The following RIF1 variants were observed in gnomAD, a reference collection of about 807,000 sequenced individuals.
The protein encoded by RIF1 is telomere-associated protein RIF1.
In RIF1, 45 loss-of-function variants were observed where a neutral mutation model predicts 247.1. The ratio of observed to expected loss-of-function variants is 0.18; its 90% CI spans 0.14 to 0.23. The LOEUF is 0.23. Among genes scored for constraint, RIF1 ranks in the 10% least tolerant of loss-of-function variants. The probability of loss-of-function intolerance (pLI) is 1.00; values close to 1 mark genes in which losing one functional copy is unlikely to be tolerated. For missense variants in RIF1, 2,967 were observed against 2,862.5 expected, an observed-to-expected ratio of 1.04 and a Z score of -0.83; for synonymous variants, 1,087 against 978.8, an observed-to-expected ratio of 1.11 and a Z score of -2.06.
At position 151,437,367 on chromosome 2, in the gene RIF1, T is replaced by C. The variant is rs1035597328; in HGVS notation, c.1483+16T>C. 6.4e-7 allele frequency: 1 copy of C among 1,568,534 alleles called. No individual in the cohort carries two copies. Among genetic ancestry groups the C allele is most frequent in the African/African-American group, 1.4e-5 (1 of 74,044 alleles). On this transcript the variant is annotated intron_variant, in intron 13 of 35. Coordinates refer to ENST00000444746, the MANE Select transcript of RIF1 (RefSeq NM_018151.5). Reference sequence around the variant, plus strand: ...GATGCCCCCGGTAAGAGAATTTGATTTATTATTTGCTCAAATGTGTGTTTA... The same window carrying C: ...GATGCCCCCGGTAAGAGAATTTGATCTATTATTTGCTCAAATGTGTGTTTA...
intron 25 of RIF1, among the ~76,000 whole-genome samples, chr2:151,459,123 A>G (rs1695709031): frequency 6.6e-6 from 1 of 152,084 alleles, no homozygotes; most frequent in Non-Finnish European, 1.5e-5. Context: ...TTTGTTTTGA[A>G]CTCGGGTACC....
rs776190102 is a variant in RIF1 at position 151,469,702 on chromosome 2, T to G, written c.6942-9T>G. ...TATAATTATAATTTCCTGTTTCTGT[T>G]TTGTTTAGGGCAAGAGGCCTGGGAC... On this transcript the variant is annotated splice_polypyrimidine_tract_variant and intron_variant, in intron 33 of 35. Transcript: ENST00000444746. 1.1e-4 allele frequency: 167 copies of G among 1,518,962 alleles called. No homozygotes were observed. Among genetic ancestry groups the G allele is most frequent in the South Asian group, 1.3e-4 (10 of 74,088 alleles). 94.1% of individuals were successfully genotyped at this position (1,518,962 alleles called of 1,614,324 possible).
At chr2:151,484,533 T>C (rs1443057051), downstream of RIF1, among the ~76,000 whole-genome samples, 1 of 152,062 alleles carries the variant, frequency 6.6e-6, no homozygotes, top group Non-Finnish European at 1.5e-5. Flanking sequence ...GAGGGAGAGG[T>C]TGCAGTGAGT....
rs1202510810 is a variant in RIF1, at chr2:151,501,426, C to T, written c.*710-1608C>T. 1.4e-5 allele frequency: 21 copies of T among 1,549,024 alleles called. No homozygotes were observed. The Admixed American group carries it at 2.9e-4, about 22-fold the overall frequency. On this transcript the variant is annotated intron_variant and NMD_transcript_variant, in intron 11 of 13. Transcript: ENST00000454583. ...TTTTCTTGATTGAGTTTGACTCGCTCCATCTCAGGAGTGACAGGTAGGGGA... is the reference window on the plus strand; with the variant it reads ...TTTTCTTGATTGAGTTTGACTCGCTTCATCTCAGGAGTGACAGGTAGGGGA...
chr2:151,433,804 C>A (rs1391163084), intron 10 of RIF1, among the ~76,000 whole-genome samples: 1 of 152,028 alleles, frequency 6.6e-6, no homozygotes, highest in Non-Finnish European at 1.5e-5. Context: ...ACTCTACAAG[C>A]ATTATGATTT....
intron 13 of RIF1, chr2:151,507,061 TTTTC>T (rs770712780): frequency 2.2e-5 from 25 of 1,148,030 alleles, no homozygotes; most frequent in Non-Finnish European, 3.0e-5. Flanking sequence ...CATTGCTTTG[TTTTC>T]TTTATTTGTC....
chr2:151,416,714 T>G (rs189330104), intron 5 of RIF1, 26 bp downstream of exon 5: 71 of 1,609,318 alleles, frequency 4.4e-5, no homozygotes, highest in Non-Finnish European at 5.6e-5. Context: ...GGGTATGCCA[T>G]CTTAACTATA....
At chr2:151,460,186 AAAATTGGATGAAAGAACTATAAAAGACT>A in intron 26 of RIF1, 67 bp downstream of exon 26, 9 of 1,218,956 alleles carry the variant, frequency 7.4e-6, no homozygotes, top group Non-Finnish European at 9.0e-6. Flanking sequence ...TACAACTTTA[AAAATTGGATGAAAGAACTATAAAAGACT>A]AAATAAAGGT....
chr2:151,416,509 C>CT, intron 4 of RIF1, 52 bp from the exon 5 acceptor site: 2 of 1,470,506 alleles, frequency 1.4e-6, no homozygotes, highest in Middle Eastern at 2.3e-4. Flanking sequence ...ATATTTGAGA[C>CT]TTTAAAGAGT....
downstream of RIF1, among the ~76,000 whole-genome samples, chr2:151,509,734 TCTC>T (rs2072545272): frequency 6.6e-6 from 1 of 152,136 alleles, no homozygotes; most frequent in East Asian, 1.9e-4. Flanking sequence ...TTCAAGCAAT[TCTC>T]CTGCCTCAGG....
At chr2:151,510,499 A>T (rs2073312046), downstream of RIF1, among the ~76,000 whole-genome samples, 1 of 152,242 alleles carries the variant, frequency 6.6e-6, no homozygotes, top group South Asian at 2.1e-4. Context: ...GTCCCCACTT[A>T]TCTGAGGTTT....
At chr2:151,446,308 T>A in intron 19 of RIF1, 118 bp from the exon 20 acceptor site, 2 of 993,174 alleles carry the variant, frequency 2.0e-6, no homozygotes, top group Non-Finnish European at 3.0e-6. Flanking sequence ...CGTTAGTGTC[T>A]TTTTTGACAC....
intron 20 of RIF1, among the ~76,000 whole-genome samples, chr2:151,448,873 C>T (rs141328712): frequency 5.9e-4 from 90 of 152,282 alleles, no homozygotes; most frequent in African/African-American, 1.9e-3. Flanking sequence ...TCAGTTATCA[C>T]CTTTAAAAAA....
rs539166926 is a variant in RIF1 at position 151,500,839 on chromosome 2, T to C, written c.*709+1299T>C. ...GTCTCGACCTCCTGGGCTCAAGTGA[T>C]CTGCCTGCCTCGACCTCCCAAAGTG... On this transcript the variant is annotated intron_variant and NMD_transcript_variant, in intron 11 of 13. Coordinates refer to the RIF1 transcript ENST00000454583. 5.1e-4 allele frequency among the ~76,000 whole-genome samples: 78 copies of C among 152,250 alleles called. 1 individual carries two copies. In the South Asian group the frequency reaches 0.014, roughly 28 times the overall value.
the RIF1 span, among the ~76,000 whole-genome samples, chr2:151,531,429 G>A: frequency 7.0e-6 from 1 of 143,360 alleles, no homozygotes; most frequent in Non-Finnish European, 1.5e-5. Flanking sequence ...CAATTGTCAC[G>A]CCTCAGCCTC....
At chr2:151,513,641 G>A in the RIF1 span, 1 of 1,610,062 alleles carries the variant, frequency 6.2e-7, no homozygotes, top group Non-Finnish European at 8.5e-7. Context: ...ATTGGCCATG[G>A]CATTCAGGCC....
rs369230860 is a variant in RIF1 at position 151,457,996 on chromosome 2, C to T, written c.2855+33C>T. The T allele has an allele frequency of 2.7e-4, 398 of 1,450,280 alleles. No homozygotes were observed. In the African/African-American group the frequency reaches 4.9e-3, roughly 18 times the overall value. 89.8% of individuals were successfully genotyped at this position (1,450,280 alleles called of 1,614,324 possible). On this transcript the variant is annotated intron_variant, in intron 24 of 35. Transcript: ENST00000444746. ...AACAACAAAACTTATATACAACTAACTATTCTGTTGTGATCATATAAATTG... is the reference window on the plus strand; with the variant it reads ...AACAACAAAACTTATATACAACTAATTATTCTGTTGTGATCATATAAATTG...
At chr2:151,423,379 T>A (rs1349631370) in intron 8 of RIF1, 3 of 188,100 alleles carry the variant, frequency 1.6e-5, no homozygotes, top group African/African-American at 2.4e-5. Context: ...CATTTTTCAC[T>A]TTTCTGTGCT....
chr2:151,439,972 CAAAA>C (rs1165450117), intron 14 of RIF1, 51 bp from the exon 15 acceptor site: 3,205 of 273,410 alleles, frequency 0.012, 1 homozygote, highest in East Asian at 0.016. Flanking sequence ...GACCCTGTCT[CAAAA>C]AAAAAAAAAA....
Sources: gnomAD v4.1 joint callset for allele counts (sites outside exome capture counted in the v4.1 genomes callset) on GRCh38, gnomAD v4.1.1 for gene constraint, MANE v1.5 for transcripts, NCBI Gene and HGNC (gene_info 2026-07-23, HGNC 2026-07-21) for gene names.